DIXDC1: variants seen among roughly 807,000 people sequenced by gnomAD.
DIXDC1 encodes the protein dixin.
A neutral mutation model predicts 103.1 loss-of-function variants in DIXDC1; 64 were observed. The observed-to-expected ratio is 0.62, with a 90% CI of 0.51 to 0.76. The LOEUF (loss-of-function observed/expected upper bound fraction) is 0.76. Among genes scored for constraint, DIXDC1 ranks in the 30% least tolerant of loss-of-function variants. The pLI is 0.00. For missense variants in DIXDC1, 759 were observed against 834.2 expected (o/e 0.91, Z 1.11); for synonymous variants, 266 against 298.5 (o/e 0.89, Z 1.12).
upstream of DIXDC1, chr11:111,937,093 G>A (rs1175677168): frequency 1.5e-5 from 6 of 399,058 alleles, no homozygotes; most frequent in Non-Finnish European, 2.0e-5. Context: ...GTGTGTGTGT[G>A]TGTAGCGCAC....
At position 111,995,115 on chromosome 11, in the gene DIXDC1, AC is replaced by A. The variant is rs1481136251; in HGVS notation, c.1527+9del. On this transcript the variant is annotated splice_region_variant and intron_variant, in intron 15 of 19. Coordinates refer to ENST00000440460, the MANE Select transcript of DIXDC1 (RefSeq NM_001037954.4). Reference sequence around the variant, plus strand: ...TTCAGTCAGCAACAGAGGGGTACGTACCTGGAGTTTTGATGGAGTCCTGCCA... The same window carrying A: ...TTCAGTCAGCAACAGAGGGGTACGTACTGGAGTTTTGATGGAGTCCTGCCA... 9 of 1,612,696 alleles carry A rather than the reference AC, an allele frequency of 5.6e-6. No homozygotes were observed. Among genetic ancestry groups the A allele is most frequent in the Non-Finnish European group, 7.6e-6 (9 of 1,179,686 alleles).
intron 10 of DIXDC1, among the ~76,000 whole-genome samples, chr11:111,990,106 G>A: frequency 1.0e-5 from 1 of 95,498 alleles, no homozygotes; most frequent in Non-Finnish European, 2.1e-5. Context: ...TTTTTTTAAT[G>A]TTGACATGGA....
intron 10 of DIXDC1, among the ~76,000 whole-genome samples, chr11:111,992,029 T>G (rs1267553012): frequency 6.6e-6 from 1 of 152,202 alleles, no homozygotes; most frequent in Non-Finnish European, 1.5e-5. Context: ...GTAGAGTGCA[T>G]TGTCCAAGGC....
intron 19 of DIXDC1, among the ~76,000 whole-genome samples, 182 bp from the exon 20 acceptor site, chr11:112,018,774 A>G (rs1861672636): frequency 6.7e-6 from 1 of 148,696 alleles, no homozygotes; most frequent in Non-Finnish European, 1.5e-5. Flanking sequence ...ACCATTTCAT[A>G]GATGTGGATC....
intron 1 of DIXDC1, among the ~76,000 whole-genome samples, chr11:111,943,439 C>G (rs1316071360): frequency 4.6e-5 from 7 of 150,568 alleles, no homozygotes; most frequent in African/African-American, 1.7e-4. Context: ...CCACCGCGCC[C>G]GGCTACGATT....
chr11:111,943,742 C>T (rs1008338317), intron 1 of DIXDC1, among the ~76,000 whole-genome samples: 8 of 151,940 alleles, frequency 5.3e-5, no homozygotes, highest in East Asian at 1.9e-4. Context: ...CTTCGTGATC[C>T]GCCCACCTCA....
chr11:111,994,933 T>A, intron 14 of DIXDC1, 86 bp from the exon 15 acceptor site: 1 of 1,176,482 alleles, frequency 8.5e-7, no homozygotes. Context: ...CATCAGGAAG[T>A]GATAAATGTA....
intron 7 of DIXDC1, among the ~76,000 whole-genome samples, chr11:111,984,507 C>T (rs1037393652): frequency 6.6e-6 from 1 of 152,148 alleles, no homozygotes; most frequent in Non-Finnish European, 1.5e-5. Context: ...CACCGCACTC[C>T]AACCTGGGTG....
chr11:112,008,331 A>T (rs909112362), intron 17 of DIXDC1, among the ~76,000 whole-genome samples: 3 of 152,166 alleles, frequency 2.0e-5, no homozygotes, highest in Non-Finnish European at 2.9e-5. Flanking sequence ...TTAGAGACCT[A>T]CAAAGAGACT....
intron 2 of DIXDC1, 123 bp from the exon 3 acceptor site, chr11:111,968,390 A>C: frequency 9.6e-7 from 1 of 1,037,160 alleles, no homozygotes; most frequent in South Asian, 1.8e-5. Flanking sequence ...GACTTAACTC[A>C]TTTATATATT....
At chr11:111,961,789 T>C (rs1555171119) in intron 1 of DIXDC1, among the ~76,000 whole-genome samples, 2 of 152,250 alleles carry the variant, frequency 1.3e-5, no homozygotes, top group African/African-American at 4.8e-5. Context: ...ATGTGACAAA[T>C]GATTAACTGA....
intron 2 of DIXDC1, among the ~76,000 whole-genome samples, 194 bp downstream of exon 2, chr11:111,964,872 A>G (rs1859678825): frequency 6.6e-6 from 1 of 152,186 alleles, no homozygotes. Flanking sequence ...CGGGCACTGT[A>G]TTATGCTTTG....
intron 1 of DIXDC1, among the ~76,000 whole-genome samples, chr11:111,947,780 A>G (rs1283280950): frequency 2.0e-5 from 3 of 152,246 alleles, no homozygotes; most frequent in Non-Finnish European, 4.4e-5. Flanking sequence ...GCATGCAAAC[A>G]TAGTGATGAC....
Position 111,980,773 on chromosome 11 carries a change from C to T in DIXDC1, c.693C>T (p.Ser231=), listed in dbSNP as rs782481530. The T allele has an allele frequency of 7.4e-6, 12 of 1,613,878 alleles. No individual in the cohort carries two copies. The East Asian group carries it at 1.6e-4, about 21-fold the overall frequency. The change falls in exon 6 of 20, where the codon AGC becomes AGT. Residue 231 remains serine, a synonymous_variant. Coordinates refer to ENST00000440460, the MANE Select transcript of DIXDC1 (RefSeq NM_001037954.4). ...TSPSPIHSAK[S]ESIITQSEEK... is the part of the protein sequence containing the mutation. ...CCAGTCCAATCCACAGTGCAAAGAG[C>T]GAGTCCATTATAACCCAGTCAGAAG... is the stretch of plus-strand genomic sequence containing the variant.
intron 17 of DIXDC1, among the ~76,000 whole-genome samples, chr11:112,008,515 C>T (rs587644335): frequency 6.6e-6 from 1 of 152,304 alleles, no homozygotes; most frequent in African/African-American, 2.4e-5. Flanking sequence ...TTCTTCTTAG[C>T]ACCACATCAC....
rs1354806625 is a variant in DIXDC1, at chr11:112,019,790, T to C, written c.*754T>C. On this transcript the variant is annotated 3_prime_UTR_variant, in exon 20 of 20. Coordinates refer to ENST00000440460, the MANE Select transcript of DIXDC1 (RefSeq NM_001037954.4). ...TTAACTTTAGAGCCATTTCTTTTTCTTCAAACTGATGAACTTTTGTTTGAA... is the reference window on the plus strand; with the variant it reads ...TTAACTTTAGAGCCATTTCTTTTTCCTCAAACTGATGAACTTTTGTTTGAA... 6.6e-6 allele frequency: 1 copy of C among 152,294 alleles called. No individual in the cohort carries two copies. Among genetic ancestry groups the C allele is most frequent in the African/African-American group, 2.4e-5 (1 of 41,462 alleles). 9.4% of individuals were successfully genotyped at this position (152,294 alleles called of 1,614,324 possible). A position where few individuals can be genotyped will look rare whatever the true frequency, so the allele number is the denominator to read the frequency against.
At chr11:111,996,292 G>C (rs587670552) in intron 17 of DIXDC1, 146 bp downstream of exon 17, 1 of 680,616 alleles carries the variant, frequency 1.5e-6, no homozygotes, top group Admixed American at 3.1e-5. Flanking sequence ...CTGCAATTGA[G>C]TTAGTTCTAA....
chr11:111,974,104 C>A lies in DIXDC1; in HGVS notation c.398C>A (p.Thr133Lys). The A allele has an allele frequency of 6.2e-7, 1 of 1,614,038 alleles. No individual in the cohort carries two copies. The highest frequency in any genetic ancestry group is 1.1e-5 in the South Asian group (1 of 91,082). Residue 133 changes from threonine (T) to lysine (K), a missense_variant, in exon 4 of 20, where the codon ACG becomes AAG. Physicochemically the swap from Thr to Lys is moderately conservative, Grantham distance 78. Coordinates refer to ENST00000440460, the MANE Select transcript of DIXDC1 (RefSeq NM_001037954.4). ...AAHFKPGSSR[T>K]VNQGRDSRAP... ...CATTTCAAACCTGGCTCCAGCAGGA[C>A]GGTGAACCAAGGACGGGACTCCAGA... is the stretch of plus-strand genomic sequence containing the variant.
At chr11:111,966,397 ATTTTTTTT>A (rs1221666046) in intron 2 of DIXDC1, among the ~76,000 whole-genome samples, 730 of 58,666 alleles carry the variant, frequency 0.012, 8 homozygotes, top group African/African-American at 0.044. Flanking sequence ...TAATTTTTGT[ATTTTTTTT>A]TTTTTTTTTT....
Sources: gnomAD v4.1 joint callset for allele counts (sites outside exome capture counted in the v4.1 genomes callset) on GRCh38, gnomAD v4.1.1 for gene constraint, MANE v1.5 for transcripts, NCBI Gene and HGNC (gene_info 2026-07-23, HGNC 2026-07-21) for gene names.